The following ADA2 variants were observed in gnomAD, a reference collection of about 807,000 sequenced individuals.
ADA2 encodes the protein adenosine deaminase CECR1.
ADA2 carries 29 observed loss-of-function variants against 44.2 expected under a neutral mutation model. The ratio of observed to expected loss-of-function variants is 0.66; its 90% CI spans 0.49 to 0.89. The LOEUF (loss-of-function observed/expected upper bound fraction) is 0.89. ADA2 is among the 40% of genes least tolerant of loss of function. ADA2 has a pLI of 0.00. For missense variants in ADA2, 637 were observed against 644.8 expected (o/e 0.99, Z 0.13); for synonymous variants, 215 against 234.9 (o/e 0.92, Z 0.77).
chr22:17,211,848 A>G (rs546996239), intron 1 of ADA2, among the ~76,000 whole-genome samples: 1 of 152,036 alleles, frequency 6.6e-6, no homozygotes, highest in East Asian at 2.0e-4. Context: ...GAATTGCTTG[A>G]ATCCGGGAGG....
chr22:17,192,840 A>AG (rs1220540943), intron 4 of ADA2: 4 of 323,134 alleles, frequency 1.2e-5, no homozygotes, highest in South Asian at 4.8e-5. Context: ...AAAAAAAAAA[A>AG]GGGGGGGCCC....
intron 1 of ADA2, among the ~76,000 whole-genome samples, chr22:17,217,077 T>C (rs2062481001): frequency 6.6e-6 from 1 of 151,844 alleles, no homozygotes; most frequent in South Asian, 2.1e-4. Flanking sequence ...CTTTCAGAAA[T>C]TAAAAACAGC....
chr22:17,204,583 C>A (rs1320244502), intron 3 of ADA2, among the ~76,000 whole-genome samples: 4 of 151,324 alleles, frequency 2.6e-5, no homozygotes, highest in Non-Finnish European at 5.9e-5. Flanking sequence ...GTACTCCAGC[C>A]TGGGCGACAC....
intron 3 of ADA2, 36 bp from the exon 4 acceptor site, chr22:17,203,809 T>C (rs1469340664): frequency 6.7e-7 from 1 of 1,496,906 alleles, no homozygotes; most frequent in Admixed American, 1.7e-5. Context: ...GGCAGAGGCA[T>C]GATCCAGGAC....
chr22:17,215,176 A>C (rs2123730381), intron 1 of ADA2, among the ~76,000 whole-genome samples: 1 of 152,386 alleles, frequency 6.6e-6, no homozygotes, highest in South Asian at 2.1e-4. Context: ...TAACAAAGGC[A>C]GAAGAGAAAA....
At chr22:17,211,663 C>A (rs1372968017) in intron 1 of ADA2, among the ~76,000 whole-genome samples, 1 of 152,124 alleles carries the variant, frequency 6.6e-6, no homozygotes, top group Non-Finnish European at 1.5e-5. Context: ...GGCGCAGTGG[C>A]TCACCCCTGT....
intron 2 of ADA2, among the ~76,000 whole-genome samples, chr22:17,208,358 A>G (rs1601460600): frequency 1.3e-5 from 2 of 148,752 alleles, no homozygotes; most frequent in South Asian, 2.2e-4. Flanking sequence ...TGGAAGAAGG[A>G]TGTTGCAGTG....
chr22:17,204,232 C>T (rs780757373), intron 3 of ADA2, among the ~76,000 whole-genome samples: 13 of 152,146 alleles, frequency 8.5e-5, no homozygotes, highest in Non-Finnish European at 1.3e-4. Flanking sequence ...GAAGCCCTAG[C>T]CCTCATTTGG....
intron 7 of ADA2, among the ~76,000 whole-genome samples, chr22:17,183,958 T>TTC (rs1039242666): frequency 4.1e-5 from 5 of 122,688 alleles, no homozygotes; most frequent in Non-Finnish European, 6.8e-5. Flanking sequence ...CACCTTTCTT[T>TTC]TTTTTTTTTT....
At chr22:17,185,210 G>C (rs1304509879) in intron 7 of ADA2, among the ~76,000 whole-genome samples, 1 of 150,794 alleles carries the variant, frequency 6.6e-6, no homozygotes, top group Non-Finnish European at 1.5e-5. Flanking sequence ...TAGGAGTTCC[G>C]GACCAGCATG....
intron 1 of ADA2, among the ~76,000 whole-genome samples, chr22:17,217,267 G>A (rs2062482509): frequency 6.6e-6 from 1 of 152,000 alleles, no homozygotes; most frequent in Non-Finnish European, 1.5e-5. Context: ...AAGGAAATAA[G>A]CCAATAAGGA....
intron 7 of ADA2, among the ~76,000 whole-genome samples, chr22:17,188,094 AAG>A (rs1249791407): frequency 2.0e-5 from 2 of 101,770 alleles, no homozygotes; most frequent in African/African-American, 3.3e-5. Context: ...AAAAAAAAAG[AAG>A]AAGAAGAAAA....
intron 4 of ADA2, chr22:17,199,448 C>CCTCCCCGCCTCT: frequency 8.9e-7 from 1 of 1,129,590 alleles, no homozygotes; most frequent in Non-Finnish European, 1.3e-6. Flanking sequence ...TCTTCCCCTC[C>CCTCCCCGCCTCT]ACCCACGAAG....
chr22:17,199,338 C>T (rs2062239431), intron 4 of ADA2, among the ~76,000 whole-genome samples: 1 of 143,818 alleles, frequency 7.0e-6, no homozygotes, highest in East Asian at 2.0e-4. Flanking sequence ...TCTCTTCCTC[C>T]CTCCGATCCA....
intron 3 of ADA2, among the ~76,000 whole-genome samples, chr22:17,205,630 G>A (rs1469509521): frequency 6.6e-6 from 1 of 152,142 alleles, no homozygotes; most frequent in Non-Finnish European, 1.5e-5. Flanking sequence ...GTAACCTCAG[G>A]GGGGCACTCT....
chr22:17,203,271 TCTC>T (rs1175198703), intron 4 of ADA2, among the ~76,000 whole-genome samples: 6 of 152,074 alleles, frequency 3.9e-5, no homozygotes, highest in Admixed American at 3.9e-4. Flanking sequence ...CTATCCCAAT[TCTC>T]CTTCTCAGCT....
At chr22:17,185,333 G>A (rs4474967) in intron 7 of ADA2, among the ~76,000 whole-genome samples, 132,780 of 151,474 alleles carry the variant, frequency 0.88, 58,299 homozygotes, top group East Asian at 0.92. Context: ...GGAGAATGGC[G>A]TGAACCTGGG....
At chr22:17,221,706 A>G (rs992756799), upstream of ADA2, 6 of 152,264 alleles carry the variant, frequency 3.9e-5, no homozygotes, top group Non-Finnish European at 7.3e-5. Context: ...GGAAGCAGAG[A>G]CAAGAGCTGG....
intron 4 of ADA2, chr22:17,199,438 T>TCTTCCCCTCCCTCCCCTCCTTTATCCC: frequency 1.0e-6 from 1 of 995,472 alleles, no homozygotes; most frequent in Non-Finnish European, 1.6e-6. Flanking sequence ...TCCTCTATCC[T>TCTTCCCCTCCCTCCCCTCCTTTATCCC]CTTCCCCTCC....
Sources: gnomAD v4.1 joint callset for allele counts (sites outside exome capture counted in the v4.1 genomes callset) on GRCh38, gnomAD v4.1.1 for gene constraint, MANE v1.5 for transcripts, NCBI Gene and HGNC (gene_info 2026-07-23, HGNC 2026-07-21) for gene names.